Variants in ZFHX2 observed in about 807,000 individuals in gnomAD.
ZFHX2 encodes the protein zinc finger homeobox 2.
In ZFHX2, 75 loss-of-function variants were observed where a neutral mutation model predicts 164.8. The observed-to-expected ratio is 0.46, with a 90% CI of 0.38 to 0.55. The LOEUF (loss-of-function observed/expected upper bound fraction) is 0.55, where lower values mean the gene tolerates loss of function less well. Among genes scored for constraint, ZFHX2 ranks in the 20% least tolerant of loss-of-function variants. The probability of loss-of-function intolerance (pLI) is 0.00; values close to 1 mark genes in which losing one functional copy is unlikely to be tolerated. For missense variants in ZFHX2, 2,933 were observed against 3,308.0 expected (o/e 0.89, Z 2.78); for synonymous variants, 1,217 against 1,351.4 (o/e 0.90, Z 2.18).
Position 23,525,285 on chromosome 14 carries a change from G to A in ZFHX2, c.4657C>T (p.Leu1553=). ...CCCCCTGCCTCAGGCTCTGGGACCA[G>A]GAAGGGTGGGCCCAGATGGGGAACA... is the stretch of plus-strand genomic sequence containing the variant. ...SPVPHLGPPF[L]VPEPEAGGTR... is the part of the protein sequence containing the mutation. The change falls in exon 9 of 10, where the codon CTG becomes TTG. Residue 1553 remains leucine (L), a synonymous_variant. Coordinates refer to ENST00000419474, the MANE Select transcript of ZFHX2 (RefSeq NM_033400.3). The surrounding 1 kb of genome is among the most constrained non-coding windows in gnomAD (Gnocchi z 5.9). 6.5e-7 allele frequency: 1 copy of A among 1,536,108 alleles called. No individual in the cohort carries two copies. The highest frequency in any genetic ancestry group is 2.4e-5 in the East Asian group (1 of 40,898).
At position 23,546,219 on chromosome 14, in the gene ZFHX2, G is replaced by A. The variant is rs1175498361; in HGVS notation, c.-50+5124C>T. On this transcript the variant is annotated intron_variant, in intron 1 of 9. Transcript: ENST00000419474. The surrounding 1 kb of genome is among the most constrained non-coding windows in gnomAD (Gnocchi z 4.7). ...ACATTCATGTCTTTCTGATTGCACA[G>A]GCCCCTGTGCATGCGACATTCCAGT... Among the ~76,000 whole-genome samples, 2 of 152,168 alleles carry A rather than the reference G, an allele frequency of 1.3e-5. No individual in the cohort carries two copies. Among genetic ancestry groups the A allele is most frequent in the Non-Finnish European group, 2.9e-5 (2 of 68,036 alleles).
upstream of ZFHX2, among the ~76,000 whole-genome samples, chr14:23,553,842 C>T (rs1194806198): frequency 3.3e-5 from 5 of 151,844 alleles, no homozygotes; most frequent in Non-Finnish European, 5.9e-5. Context: ...TGCAGTGAGC[C>T]GAGATGGCGC....
rs1879906781 is a variant in ZFHX2, at chr14:23,534,193, C to G, written c.1133G>C (p.Gly378Ala). ...GCAGAGCCCTCCATCCTCTTCTTGC[C>G]CCTCAGGGAACCAATCTGGCCCTGC... ...GEAGPDWFPE[G>A]QEEDGGLCPP... The change falls in exon 2 of 10, where the codon GGG becomes GCG. Residue 378 changes from glycine (G) to alanine (A), a missense_variant. Transcript: ENST00000419474. This position sits in a 1 kb window ranked among gnomAD's most constrained non-coding sequence, Gnocchi z 4.5. The G allele has an allele frequency of 2.7e-6, 4 of 1,481,534 alleles. No individual in the cohort carries two copies. In the African/African-American group the frequency reaches 4.2e-5, roughly 16 times the overall value. 91.8% of individuals were successfully genotyped at this position (1,481,534 alleles called of 1,614,324 possible).
In ZFHX2 at chr14:23,551,392, G is replaced by C. The variant is rs1329767142; in HGVS notation, c.-99C>G. ...AGTCGAACCGCGGCCACCGAGCAGC[G>C]CGAGGCGGGGAGGGGAGGGGGCGGC... is the stretch of plus-strand genomic sequence containing the variant. On this transcript the variant is annotated 5_prime_UTR_variant, in exon 1 of 10. Transcript: ENST00000419474. The surrounding 1 kb of genome is among the most constrained non-coding windows in gnomAD (Gnocchi z 5.3). 1 of 152,624 alleles carries C rather than the reference G, an allele frequency of 6.6e-6. No homozygotes were observed. Among genetic ancestry groups the C allele is most frequent in the African/African-American group, 2.4e-5 (1 of 41,418 alleles). The allele number at this position is 152,624 out of a possible 1,614,324, so 9.5% of individuals were successfully genotyped here.
In ZFHX2 at chr14:23,535,672, A is replaced by AACCTCC. The variant is rs1253417592; in HGVS notation, c.-49-304_-49-299dup. On this transcript the variant is annotated intron_variant, in intron 1 of 9. Transcript: ENST00000419474. This position sits in a 1 kb window ranked among gnomAD's most constrained non-coding sequence, Gnocchi z 4.5. ...CAATGGCGTGATCTCGGCTCACCGCAACCTCCACCTCCTGGGTTCAAGTGA... is the reference window on the plus strand; with the variant it reads ...CAATGGCGTGATCTCGGCTCACCGCAACCTCCACCTCCACCTCCTGGGTTCAAGTGA... 6.6e-6 allele frequency among the ~76,000 whole-genome samples: 1 copy of AACCTCC among 151,762 alleles called. No homozygotes were observed. Among genetic ancestry groups the AACCTCC allele is most frequent in the Admixed American group, 6.6e-5 (1 of 15,250 alleles).
rs1199830492 is a variant in ZFHX2 at position 23,525,517 on chromosome 14, C to A, written c.4425G>T (p.Gly1475=). The A allele has an allele frequency of 2.0e-6, 3 of 1,535,614 alleles. No homozygotes were observed. The highest frequency in any genetic ancestry group is 2.6e-6 in the Non-Finnish European group (3 of 1,146,922). Reference sequence around the variant, plus strand: ...CCCCACAGGCCAGCTTGTCCCCACCCCCGAGGGCCTCAGGTGGGGGTGGGG... The same window carrying A: ...CCCCACAGGCCAGCTTGTCCCCACCACCGAGGGCCTCAGGTGGGGGTGGGG... ...PPTPPPPEAL[G]GGDKLACGAC... is the part of the protein sequence containing the mutation. Residue 1475 remains glycine, a synonymous_variant, in exon 9 of 10, where the codon GGG becomes GGT. Transcript: ENST00000419474. This position sits in a 1 kb window ranked among gnomAD's most constrained non-coding sequence, Gnocchi z 5.9.
At chr14:23,544,116 G>C (rs755241711) in intron 1 of ZFHX2, 1 of 151,986 alleles carries the variant, frequency 6.6e-6, no homozygotes, top group African/African-American at 2.4e-5. Context: ...TGAGCCGGGC[G>C]TGGTGGCATG....
At position 23,525,215 on chromosome 14, in the gene ZFHX2, G is replaced by C; in HGVS notation, c.4727C>G (p.Pro1576Arg). The change falls in exon 9 of 10, where the codon CCC becomes CGC. Residue 1576 changes from proline (P) to arginine (R), a missense_variant. Coordinates refer to ENST00000419474, the MANE Select transcript of ZFHX2 (RefSeq NM_033400.3). The surrounding 1 kb of genome is among the most constrained non-coding windows in gnomAD (Gnocchi z 5.9). ...TCTGGAGCTTTCTTCCTCTTCTATG[G>C]GCCAGTGTCCCCCTGCTCGACTTCG... The part of the protein sequence containing the change: ...EERSRAGGHW[P>R]IEEEESSRGN... 1 of 1,536,112 alleles carries C rather than the reference G, an allele frequency of 6.5e-7. No homozygotes were observed. Among genetic ancestry groups the C allele is most frequent in the Non-Finnish European group, 8.7e-7 (1 of 1,146,912 alleles).
At chr14:23,531,433 T>G (rs1879540119) in intron 4 of ZFHX2, 48 bp downstream of exon 4, 2 of 1,357,598 alleles carry the variant, frequency 1.5e-6, no homozygotes, top group Non-Finnish European at 1.9e-6. Context: ...CCCCACATCC[T>G]GCTGCCCTCC....
chr14:23,525,589 C>T lies in ZFHX2; in HGVS notation c.4353G>A (p.Leu1451=), dbSNP rs1566575790. The stretch of plus-strand genomic sequence containing the variant: ...GCTTCCCTTCATTGTACTGGATCAC[C>T]AGCTCAAAGCCAAAGTTTTCTAGAA... ...KALLENFGFE[L]VIQYNEGKQA... is the part of the protein sequence containing the mutation. Residue 1451 remains leucine, a synonymous_variant, in exon 9 of 10, where the codon CTG becomes CTA. Coordinates refer to ENST00000419474, the MANE Select transcript of ZFHX2 (RefSeq NM_033400.3). The surrounding 1 kb of genome is among the most constrained non-coding windows in gnomAD (Gnocchi z 5.9). The T allele has an allele frequency of 1.3e-6, 2 of 1,535,712 alleles. No individual in the cohort carries two copies. Among genetic ancestry groups the T allele is most frequent in the Non-Finnish European group, 8.7e-7 (1 of 1,146,874 alleles).
rs770226359 is a variant in ZFHX2, at chr14:23,522,033, C to T, written c.7648G>A (p.Glu2550Lys). The T allele has an allele frequency of 5.9e-6, 9 of 1,536,418 alleles. No homozygotes were observed. The South Asian group carries it at 1.1e-4, about 18-fold the overall frequency. ...TCCGTGTGAGGTAATCTTGCTTCCT[C>T]TTTGGCAAAAGCCACAGCAGCCGAG... ...AASAAVAFAK[E>K]EARLPHTDSN... is the part of the protein sequence containing the mutation. Residue 2550 changes from glutamate to lysine, a missense_variant, in exon 10 of 10, where the codon GAG becomes AAG. Glu to Lys is a moderately conservative substitution (Grantham distance 56, BLOSUM62 1). Transcript: ENST00000419474.
Position 23,522,306 on chromosome 14 carries a change from C to G in ZFHX2, c.7375G>C (p.Ala2459Pro). The G allele has an allele frequency of 1.3e-6, 2 of 1,514,678 alleles. No individual in the cohort carries two copies. Among genetic ancestry groups the G allele is most frequent in the Non-Finnish European group, 1.8e-6 (2 of 1,133,436 alleles). 93.8% of individuals were successfully genotyped at this position (1,514,678 alleles called of 1,614,324 possible). A position where few individuals can be genotyped will look rare whatever the true frequency, so the allele number is the denominator to read the frequency against. Residue 2459 changes from alanine (A) to proline (P), a missense_variant, in exon 10 of 10, where the codon GCA (alanine) becomes CCA (proline). Coordinates refer to ENST00000419474, the MANE Select transcript of ZFHX2 (RefSeq NM_033400.3). ...GTAGCCGGGGCCTCCCCGTCAAATG[C>G]CATCTTGCACTGGCGGCACAGGTAG... is the stretch of plus-strand genomic sequence containing the variant. ...HRYLCRQCKM[A>P]FDGEAPATAH...
intron 5 of ZFHX2, 37 bp downstream of exon 5, chr14:23,530,083 A>T: frequency 6.6e-7 from 1 of 1,505,300 alleles, no homozygotes. Flanking sequence ...GCGTCTCAGA[A>T]GGTAGGAGGA....
chr14:23,536,378 T>A (rs999070915), intron 1 of ZFHX2, among the ~76,000 whole-genome samples: 3 of 152,168 alleles, frequency 2.0e-5, no homozygotes, highest in Non-Finnish European at 4.4e-5. Flanking sequence ...AGATAGGGCA[T>A]AATTGATTTC....
intron 1 of ZFHX2, among the ~76,000 whole-genome samples, chr14:23,548,013 C>T (rs541400345): frequency 6.6e-6 from 1 of 152,158 alleles, no homozygotes; most frequent in African/African-American, 2.4e-5. Context: ...ATTTCACAAC[C>T]CTTCCCTTTT....
intron 1 of ZFHX2, among the ~76,000 whole-genome samples, chr14:23,539,350 G>A (rs551096102): frequency 7.9e-5 from 12 of 152,236 alleles, no homozygotes; most frequent in Non-Finnish European, 1.0e-4. Flanking sequence ...ATATACAGTC[G>A]TAATTACTGA....
chr14:23,554,253 G>A (rs1011152172), upstream of ZFHX2, among the ~76,000 whole-genome samples: 1 of 152,084 alleles, frequency 6.6e-6, no homozygotes, highest in African/African-American at 2.4e-5. Context: ...TAACAAAACC[G>A]GAAAGCAAAA....
At chr14:23,548,726 CTCTCTCTG>C (rs1761560705) in intron 1 of ZFHX2, among the ~76,000 whole-genome samples, 1 of 152,158 alleles carries the variant, frequency 6.6e-6, no homozygotes, top group South Asian at 2.1e-4. Flanking sequence ...GAGGTTCTCT[CTCTCTCTG>C]TCTCTTCCCT....
chr14:23,555,689 C>G (rs947309316), upstream of ZFHX2: 6 of 150,864 alleles, frequency 4.0e-5, no homozygotes, highest in Non-Finnish European at 8.9e-5. Context: ...TCCCTCCCCC[C>G]ACCCCAACCC....
Sources: allele counts gnomAD v4.1 joint callset (sites outside exome capture counted in the v4.1 genomes callset), GRCh38; gene constraint gnomAD v4.1.1; non-coding constraint Gnocchi (gnomAD v3.1); transcripts MANE v1.5; gene names NCBI Gene and HGNC (gene_info 2026-07-23, HGNC 2026-07-21).